Variants in RNF217 observed in about 807,000 individuals in gnomAD.
The protein encoded by RNF217 is E3 ubiquitin-protein ligase RNF217.
A neutral mutation model predicts 57.8 loss-of-function variants in RNF217; 31 were observed. The observed-to-expected ratio is 0.54, with a 90% confidence interval of 0.40 to 0.72. The LOEUF (loss-of-function observed/expected upper bound fraction) is 0.72, where lower values mean the gene tolerates loss of function less well. RNF217 is among the 30% of genes least tolerant of loss of function. The pLI is 0.00. For synonymous variants in RNF217, 313 were observed against 294.0 expected (o/e 1.06, Z -0.66); for missense variants, 696 against 708.3 (o/e 0.98, Z 0.20).
intron 1 of RNF217, chr6:125,009,293 T>C: frequency 6.4e-7 from 1 of 1,564,634 alleles, no homozygotes; most frequent in Non-Finnish European, 8.8e-7. Flanking sequence ...GTAAAGTACA[T>C]AGATGAAGAA....
intron 1 of RNF217, among the ~76,000 whole-genome samples, chr6:124,985,019 C>T (rs1045060227): frequency 2.0e-5 from 3 of 152,118 alleles, no homozygotes; most frequent in East Asian, 1.9e-4. Context: ...AGTTTAATGA[C>T]ATTAATGGCC....
chr6:125,011,635 A>G (rs796985648), intron 1 of RNF217, among the ~76,000 whole-genome samples: 53 of 151,948 alleles, frequency 3.5e-4, no homozygotes, highest in African/African-American at 1.1e-3. Context: ...TTTTAATTGG[A>G]TTAGATCCCA....
chr6:125,081,088 C>A (rs1788557202), intron 4 of RNF217, among the ~76,000 whole-genome samples: 1 of 152,016 alleles, frequency 6.6e-6, no homozygotes, highest in Non-Finnish European at 1.5e-5. Context: ...CTTTCTTAAT[C>A]TTTTAGCATT....
chr6:125,073,542 T>C (rs1447505785), intron 3 of RNF217, among the ~76,000 whole-genome samples: 1 of 152,182 alleles, frequency 6.6e-6, no homozygotes, highest in Non-Finnish European at 1.5e-5. Context: ...AAAATCACTA[T>C]GACTAAAAAA....
chr6:125,002,247 G>A (rs1189393099), intron 1 of RNF217, among the ~76,000 whole-genome samples: 7 of 152,160 alleles, frequency 4.6e-5, no homozygotes, highest in Admixed American at 4.6e-4. Flanking sequence ...TTGTGTGGCT[G>A]CTGAGGAATT....
chr6:125,068,027 T>C (rs922474199), intron 3 of RNF217, among the ~76,000 whole-genome samples: 2 of 152,168 alleles, frequency 1.3e-5, no homozygotes, highest in Non-Finnish European at 2.9e-5. Flanking sequence ...TAAAACATGT[T>C]CATTATATTT....
intron 4 of RNF217, among the ~76,000 whole-genome samples, chr6:125,077,312 G>A (rs574894910): frequency 9.5e-4 from 145 of 152,194 alleles, no homozygotes; most frequent in African/African-American, 3.3e-3. Flanking sequence ...CTGTAATAGA[G>A]TTCCATTATG....
At chr6:125,023,441 T>C (rs560039459) in intron 1 of RNF217, among the ~76,000 whole-genome samples, 6 of 152,274 alleles carry the variant, frequency 3.9e-5, no homozygotes, top group Admixed American at 1.3e-4. Flanking sequence ...AAAAGAGTGC[T>C]CCAGAGAAGA....
At chr6:125,053,444 A>C (rs1166316202) in intron 2 of RNF217, among the ~76,000 whole-genome samples, 1 of 152,126 alleles carries the variant, frequency 6.6e-6, no homozygotes, top group Non-Finnish European at 1.5e-5. Flanking sequence ...TTTTTGGAAA[A>C]CTGAATCAGC....
chr6:125,091,970 A>G lies in RNF217; in HGVS notation c.*9033A>G, dbSNP rs895573158. On this transcript the variant is annotated 3_prime_UTR_variant, in exon 6 of 6. Transcript: ENST00000521654. ...TTTATGTATCATAATATATAATTCA[A>G]CTTTTCCTGATGAATGTATGCTGAA... The G allele has an allele frequency of 2.6e-5, 4 of 152,146 alleles. No individual in the cohort carries two copies. In the South Asian group the frequency reaches 6.2e-4, roughly 24 times the overall value. 9.4% of individuals were successfully genotyped at this position (152,146 alleles called of 1,614,324 possible).
chr6:125,074,412 A>G (rs554111968), intron 3 of RNF217, among the ~76,000 whole-genome samples: 2 of 152,232 alleles, frequency 1.3e-5, no homozygotes, highest in African/African-American at 2.4e-5. Flanking sequence ...TGTGATTACT[A>G]TGATTAATGG....
intron 1 of RNF217, among the ~76,000 whole-genome samples, chr6:125,007,028 AT>A (rs1316142475): frequency 5.9e-5 from 9 of 152,218 alleles, no homozygotes; most frequent in African/African-American, 1.9e-4. Context: ...TGTTACAGTA[AT>A]TATTAAGTAT....
intron 2 of RNF217, among the ~76,000 whole-genome samples, chr6:125,056,810 C>T (rs145625597): frequency 1.2e-4 from 19 of 152,020 alleles, no homozygotes; most frequent in African/African-American, 4.6e-4. Flanking sequence ...CAGGTTATAC[C>T]CATATGCTTT....
Position 125,086,237 on chromosome 6 carries a change from C to G in RNF217, c.*3300C>G, listed in dbSNP as rs750628959. ...GGAGTGCATAATTTTTAAAGAAAATCGTCTTTTGAAGGGTAATTTCCTTTC... is the reference window on the plus strand; with the variant it reads ...GGAGTGCATAATTTTTAAAGAAAATGGTCTTTTGAAGGGTAATTTCCTTTC... On this transcript the variant is annotated 3_prime_UTR_variant, in exon 6 of 6. Transcript: ENST00000521654. The G allele has an allele frequency of 2.0e-5, 3 of 151,812 alleles. No homozygotes were observed. The highest frequency in any genetic ancestry group is 2.9e-5 in the Non-Finnish European group (2 of 67,870). 9.4% of individuals were successfully genotyped at this position (151,812 alleles called of 1,614,324 possible).
At chr6:125,071,521 TGTGTGTG>T (rs1788142429) in intron 3 of RNF217, among the ~76,000 whole-genome samples, 1 of 151,434 alleles carries the variant, frequency 6.6e-6, no homozygotes, top group Non-Finnish European at 1.5e-5. Context: ...TGTGTGTGTG[TGTGTGTG>T]TGTGTGTGTA....
intron 1 of RNF217, among the ~76,000 whole-genome samples, chr6:125,039,960 G>C (rs895095640): frequency 6.6e-6 from 1 of 152,102 alleles, no homozygotes; most frequent in East Asian, 1.9e-4. Flanking sequence ...TGTTAAGAGG[G>C]AAATTTAGAG....
At chr6:124,975,158 C>T (rs905938154) in intron 1 of RNF217, among the ~76,000 whole-genome samples, 2 of 152,144 alleles carry the variant, frequency 1.3e-5, no homozygotes, top group African/African-American at 2.4e-5. Flanking sequence ...TTTATTTACT[C>T]ACATGATTAT....
At chr6:125,054,082 C>A (rs1377612663) in intron 2 of RNF217, among the ~76,000 whole-genome samples, 1 of 152,042 alleles carries the variant, frequency 6.6e-6, no homozygotes, top group Non-Finnish European at 1.5e-5. Context: ...TGAGACAAAG[C>A]CTTTGACAAA....
intron 1 of RNF217, among the ~76,000 whole-genome samples, chr6:124,988,422 C>T (rs1784434897): frequency 6.6e-6 from 1 of 152,196 alleles, no homozygotes; most frequent in Non-Finnish European, 1.5e-5. Flanking sequence ...AGCTTCTACT[C>T]ATGACAGAAT....
Sources: gnomAD v4.1 joint callset for allele counts (sites outside exome capture counted in the v4.1 genomes callset) on GRCh38, gnomAD v4.1.1 for gene constraint, MANE v1.5 for transcripts, NCBI Gene and HGNC (gene_info 2026-07-23, HGNC 2026-07-21) for gene names.